CRELD2: variants seen among roughly 807,000 people sequenced by gnomAD.
CRELD2 encodes protein disulfide isomerase CRELD2.
In CRELD2, 33 loss-of-function variants were observed where a neutral mutation model predicts 48.1. The ratio of observed to expected loss-of-function variants is 0.69; its 90% CI spans 0.52 to 0.92. The LOEUF (loss-of-function observed/expected upper bound fraction) is 0.92, where lower values mean the gene tolerates loss of function less well. Among genes scored for constraint, CRELD2 ranks in the 40% least tolerant of loss-of-function variants. The probability of loss-of-function intolerance (pLI) is 0.00; values close to 1 mark genes in which losing one functional copy is unlikely to be tolerated. For synonymous variants in CRELD2, 220 were observed against 203.9 expected, an observed-to-expected ratio of 1.08 and a Z score of -0.67; for missense variants, 477 against 482.4, an observed-to-expected ratio of 0.99 and a Z score of 0.10.
chr22:49,923,568 G>GCC (rs939109582), intron 7 of CRELD2: 2 of 598,796 alleles, frequency 3.3e-6, no homozygotes, highest in African/African-American at 3.7e-5. Context: ...CACTGCTCGT[G>GCC]CCCCCCCAGC....
At chr22:49,921,454 C>G (rs2060685923) in intron 4 of CRELD2, 131 bp from the exon 5 acceptor site, 1 of 991,288 alleles carries the variant, frequency 1.0e-6, no homozygotes, top group Non-Finnish European at 1.4e-6. Context: ...CAAACACCCA[C>G]TCCAAGCCTT....
chr22:49,920,098 G>A (rs2146637980), intron 3 of CRELD2, 58 bp from the exon 4 acceptor site: 3 of 1,176,876 alleles, frequency 2.5e-6, no homozygotes, highest in Non-Finnish European at 3.8e-6. Flanking sequence ...TCAGCTGCAT[G>A]TTTGTTTTAA....
intron 6 of CRELD2, among the ~76,000 whole-genome samples, 193 bp downstream of exon 6, chr22:49,922,900 TGGGGCGTGAGGTGTG>T (rs2060714409): frequency 2.3e-5 from 1 of 43,852 alleles, no homozygotes; most frequent in Non-Finnish European, 4.7e-5. Context: ...GAGCATGAGG[TGGGGCGTGAGGTGTG>T]GGGGCGTGAG....
At chr22:49,923,540 G>A (rs962927274) in intron 7 of CRELD2, 9 of 647,766 alleles carry the variant, frequency 1.4e-5, no homozygotes, top group East Asian at 2.9e-5. Context: ...CCTGGAGAGC[G>A]CACCCTGCTG....
Position 49,921,611 on chromosome 22 carries a change from T to C in CRELD2, c.442T>C (p.Cys148Arg). The C allele has an allele frequency of 6.2e-7, 1 of 1,612,750 alleles. No homozygotes were observed. Residue 148 changes from cysteine to arginine, a missense_variant, in exon 5 of 10, where the codon TGC becomes CGC. Coordinates refer to ENST00000328268, the MANE Select transcript of CRELD2 (RefSeq NM_024324.5). ...ATGCCAGGGCGGATCCCAGAGGCCCTGCAGCGGGAATGGCCACTGCAGCGG... is the reference window on the plus strand; with the variant it reads ...ATGCCAGGGCGGATCCCAGAGGCCCCGCAGCGGGAATGGCCACTGCAGCGG... ...LACQGGSQRP[C>R]SGNGHCSGDG...
chr22:49,924,406 C>T lies in CRELD2; in HGVS notation c.819C>T (p.Asn273=). The T allele has an allele frequency of 6.2e-7, 1 of 1,612,796 alleles. No individual in the cohort carries two copies. The highest frequency in any genetic ancestry group is 1.7e-5 in the Admixed American group (1 of 59,934). ...CVGCTGEGPG[N]CKECISGYAR... ...GCTGCACAGGGGAAGGCCCAGGAAA[C>T]TGTAAAGAGTGTATCTCTGGCTACG... The change falls in exon 8 of 10, where the codon AAC becomes AAT. Residue 273 remains asparagine, a synonymous_variant. Coordinates refer to ENST00000328268, the MANE Select transcript of CRELD2 (RefSeq NM_024324.5).
In CRELD2 at chr22:49,919,781, C is replaced by T. The variant is rs1420449044; in HGVS notation, c.264C>T (p.Phe88=). ...ILEGLCESSD[F]ECNQMLEAQE... is the part of the protein sequence containing the mutation. ...AGGGGCTGTGCGAGAGCAGCGACTT[C>T]GAATGCAATCAGATGCTAGAGGCGC... The change falls in exon 3 of 10, where the codon TTC becomes TTT. Residue 88 remains phenylalanine, a synonymous_variant. Coordinates refer to ENST00000328268, the MANE Select transcript of CRELD2 (RefSeq NM_024324.5). 1.2e-6 allele frequency: 2 copies of T among 1,612,846 alleles called. No homozygotes were observed. The highest frequency in any genetic ancestry group is 1.1e-5 in the South Asian group (1 of 90,716).
Position 49,918,650 on chromosome 22 carries a change from C to T in CRELD2, c.-120C>T, listed in dbSNP as rs2060637643. ...GGGTGGGGCGGGGCCTCGCCGGCGCCGTCAAGTAGCCTGGGGGACAGGCCG... is the reference window on the plus strand; with the variant it reads ...GGGTGGGGCGGGGCCTCGCCGGCGCTGTCAAGTAGCCTGGGGGACAGGCCG... On this transcript the variant is annotated 5_prime_UTR_variant, in exon 1 of 10. Coordinates refer to ENST00000328268, the MANE Select transcript of CRELD2 (RefSeq NM_024324.5). The T allele has an allele frequency of 2.8e-6, 1 of 363,396 alleles. No homozygotes were observed. Among genetic ancestry groups the T allele is most frequent in the Non-Finnish European group, 4.8e-6 (1 of 207,636 alleles). 22.5% of individuals were successfully genotyped at this position (363,396 alleles called of 1,614,324 possible).
intron 9 of CRELD2, among the ~76,000 whole-genome samples, chr22:49,926,939 G>A (rs377334132): frequency 3.2e-5 from 3 of 94,152 alleles, no homozygotes; most frequent in Non-Finnish European, 6.4e-5. Flanking sequence ...CCCCACCCTC[G>A]GTCCCCTCTT....
intron 4 of CRELD2, among the ~76,000 whole-genome samples, chr22:49,920,505 G>A (rs2060674327): frequency 6.6e-6 from 1 of 152,178 alleles, no homozygotes; most frequent in African/African-American, 2.4e-5. Context: ...GTTAATTCAG[G>A]GGTTCACAGA....
intron 6 of CRELD2, 24 bp downstream of exon 6, chr22:49,922,731 G>T: frequency 2.0e-6 from 3 of 1,502,634 alleles, no homozygotes; most frequent in Non-Finnish European, 2.7e-6. Context: ...CGGGGGTGGA[G>T]GAGGGCGCCT....
chr22:49,922,575 AGT>A, intron 5 of CRELD2, 35 bp from the exon 6 acceptor site: 1 of 1,501,034 alleles, frequency 6.7e-7, no homozygotes, highest in Non-Finnish European at 9.0e-7. Context: ...GGTACCTGAG[AGT>A]GGGGTTTGTA....
At position 49,919,253 on chromosome 22, in the gene CRELD2, G is replaced by A. The variant is rs530821597; in HGVS notation, c.153G>A (p.Lys51=). ...FNQGMVDTAK[K]NFGGGNTAWE... ...AGGGGATGGTGGACACCGCAAAGAA[G>A]AACTTTGGCGGCGGGAACACGGCTT... Residue 51 remains lysine, a synonymous_variant, in exon 2 of 10, where the codon AAG becomes AAA. Coordinates refer to ENST00000328268, the MANE Select transcript of CRELD2 (RefSeq NM_024324.5). The A allele has an allele frequency of 1.1e-5, 18 of 1,613,794 alleles. No homozygotes were observed. In the African/African-American group the frequency reaches 2.0e-4, roughly 18 times the overall value.
intron 7 of CRELD2, chr22:49,923,660 C>A: frequency 2.3e-6 from 1 of 429,946 alleles, no homozygotes; most frequent in Non-Finnish European, 4.3e-6. Context: ...AACGTCTCTG[C>A]GTCCTGTGGT....
At chr22:49,919,119 A>T (rs2060648328) in intron 1 of CRELD2, 111 bp from the exon 2 acceptor site, 2 of 1,154,292 alleles carry the variant, frequency 1.7e-6, no homozygotes, top group Non-Finnish European at 2.6e-6. Context: ...CCGTGGAACC[A>T]GGGTCGACGC....
At chr22:49,923,575 C>T (rs2060725450) in intron 7 of CRELD2, 1 of 589,906 alleles carries the variant, frequency 1.7e-6, no homozygotes, top group East Asian at 3.0e-5. Flanking sequence ...CGTGCCCCCC[C>T]AGCGCCCCCG....
intron 9 of CRELD2, 180 bp downstream of exon 9, chr22:49,925,737 G>A: frequency 7.1e-7 from 1 of 1,417,814 alleles, no homozygotes; most frequent in South Asian, 1.5e-5. Context: ...AGAGGTACTG[G>A]CTTCCTGAGG....
chr22:49,920,661 C>T (rs994595377), intron 4 of CRELD2, among the ~76,000 whole-genome samples: 1 of 152,242 alleles, frequency 6.6e-6, no homozygotes, highest in Non-Finnish European at 1.5e-5. Context: ...GGGTGTCTAT[C>T]AGGCTGGGCA....
Position 49,919,278 on chromosome 22 carries a change from T to C in CRELD2, c.178T>C (p.Trp60Arg), listed in dbSNP as rs781597296. 5.6e-6 allele frequency: 9 copies of C among 1,613,660 alleles called. No individual in the cohort carries two copies. The highest frequency in any genetic ancestry group is 6.8e-6 in the Non-Finnish European group (8 of 1,179,996). Reference protein sequence around the residue: ...KKNFGGGNTAWEEKTLSKYES... With the variant: ...KKNFGGGNTAREEKTLSKYES... The stretch of plus-strand genomic sequence containing the variant: ...GAACTTTGGCGGCGGGAACACGGCT[T>C]GGGAGGAAAAGACGCTGTCCAAGTA... Residue 60 changes from tryptophan to arginine, a missense_variant, in exon 2 of 10, where the codon TGG (tryptophan) becomes CGG (arginine). Trp to Arg is a moderately radical substitution (Grantham distance 101, BLOSUM62 -3). Coordinates refer to ENST00000328268, the MANE Select transcript of CRELD2 (RefSeq NM_024324.5).
Sources: gnomAD v4.1 joint callset for allele counts (sites outside exome capture counted in the v4.1 genomes callset) on GRCh38, gnomAD v4.1.1 for gene constraint, MANE v1.5 for transcripts, NCBI Gene and HGNC (gene_info 2026-07-23, HGNC 2026-07-21) for gene names.